KLRG1: variants seen among roughly 807,000 people sequenced by gnomAD.
KLRG1 encodes the protein killer cell lectin like receptor G1.
A neutral mutation model predicts 21.8 loss-of-function variants in KLRG1; 16 were observed. That is an observed-to-expected ratio of 0.73 (90% confidence interval 0.50 to 1.11). KLRG1 has a LOEUF of 1.11. KLRG1 is among the 50% of genes most tolerant of loss of function. The pLI, the probability that KLRG1 is intolerant of heterozygous loss-of-function variation, is 0.00. For synonymous variants in KLRG1, 69 were observed against 75.9 expected, an observed-to-expected ratio of 0.91 and a Z score of 0.47; for missense variants, 173 against 218.3, an observed-to-expected ratio of 0.79 and a Z score of 1.31.
At chr12:9,204,072 T>C in the KLRG1 span, 2 of 1,019,846 alleles carry the variant, frequency 2.0e-6, no homozygotes, top group African/African-American at 1.6e-5. Flanking sequence ...TAAAAGTCAA[T>C]GGACTAAGTC....
the KLRG1 span, chr12:9,079,937 G>C: frequency 1.9e-6 from 2 of 1,066,844 alleles, no homozygotes; most frequent in Non-Finnish European, 2.6e-6. Context: ...GATTCTTCCA[G>C]GGATAGAAGT....
the KLRG1 span, among the ~76,000 whole-genome samples, chr12:9,141,683 A>G: frequency 1.3e-5 from 2 of 152,188 alleles, no homozygotes; most frequent in Non-Finnish European, 2.9e-5. Flanking sequence ...CCACATTCTC[A>G]TGCCTCCTTA....
upstream of KLRG1, among the ~76,000 whole-genome samples, chr12:8,988,616 G>A (rs1015258285): frequency 2.0e-5 from 3 of 151,674 alleles, no homozygotes; most frequent in African/African-American, 7.3e-5. Flanking sequence ...CACTCTTGTT[G>A]CCCAGGCTAG....
At chr12:9,149,653 G>T in the KLRG1 span, 1 of 1,576,120 alleles carries the variant, frequency 6.3e-7, no homozygotes, top group South Asian at 1.1e-5. Flanking sequence ...ATGAACTAGG[G>T]ACCATGCTAA....
chr12:9,080,124 C>G, the KLRG1 span: 1 of 1,590,726 alleles, frequency 6.3e-7, no homozygotes, highest in Non-Finnish European at 8.6e-7. Context: ...CGGGCAGATT[C>G]TTCTACCACA....
At chr12:9,034,026 T>C in the KLRG1 span, among the ~76,000 whole-genome samples, 2 of 152,160 alleles carry the variant, frequency 1.3e-5, no homozygotes, top group African/African-American at 4.8e-5. Flanking sequence ...TGTATCTCTG[T>C]GTAGGATCTC....
chr12:9,112,086 C>T, the KLRG1 span: 2 of 1,434,930 alleles, frequency 1.4e-6, no homozygotes, highest in Non-Finnish European at 9.8e-7. Flanking sequence ...CCCTGGTCTT[C>T]CCTCAGCACA....
the KLRG1 span, among the ~76,000 whole-genome samples, chr12:9,120,885 AT>A: frequency 5.1e-4 from 26 of 50,532 alleles, no homozygotes; most frequent in East Asian, 7.6e-4. Flanking sequence ...GTGTGTGTGT[AT>A]TTTTTTTTTT....
At chr12:9,079,765 G>A in the KLRG1 span, 5 of 1,613,032 alleles carry the variant, frequency 3.1e-6, no homozygotes, top group Admixed American at 1.7e-5. Flanking sequence ...CAGCCATAGG[G>A]CATCTGGAGA....
intron 1 of KLRG1, among the ~76,000 whole-genome samples, chr12:8,956,104 A>G (rs1160350764): frequency 2.0e-5 from 3 of 152,264 alleles, no homozygotes; most frequent in South Asian, 4.1e-4. Flanking sequence ...TTACTCTGCA[A>G]TTGTCAGTGT....
chr12:9,035,787 T>C, the KLRG1 span, among the ~76,000 whole-genome samples: 3 of 151,294 alleles, frequency 2.0e-5, no homozygotes, highest in Middle Eastern at 3.4e-3. Flanking sequence ...GAAAATGTGG[T>C]ACATCTACAC....
chr12:9,067,798 A>G, the KLRG1 span: 2 of 1,611,966 alleles, frequency 1.2e-6, no homozygotes, highest in East Asian at 2.2e-5. Context: ...GGACTCCAGC[A>G]AAGCACTTTT....
the KLRG1 span, among the ~76,000 whole-genome samples, chr12:9,139,272 G>A: frequency 1.2e-4 from 18 of 151,250 alleles, no homozygotes; most frequent in African/African-American, 3.9e-4. Flanking sequence ...GTTTAATTTT[G>A]TTGTGGCCAG....
intron 1 of KLRG1, among the ~76,000 whole-genome samples, chr12:8,975,869 T>C (rs997773270): frequency 1.2e-4 from 19 of 152,286 alleles, no homozygotes; most frequent in African/African-American, 4.6e-4. Flanking sequence ...GCTTTTTTTT[T>C]CTTAGACTAG....
chr12:9,169,043 A>G, the KLRG1 span: 1 of 1,143,992 alleles, frequency 8.7e-7, no homozygotes. Flanking sequence ...TTATCCTTAG[A>G]GACTTCTCTA....
the KLRG1 span, among the ~76,000 whole-genome samples, chr12:9,207,563 C>T: frequency 2.0e-5 from 3 of 152,162 alleles, no homozygotes; most frequent in Non-Finnish European, 4.4e-5. Flanking sequence ...CTGTTGGGTC[C>T]TGAACACACA....
At chr12:9,051,772 A>G in the KLRG1 span, among the ~76,000 whole-genome samples, 1 of 152,174 alleles carries the variant, frequency 6.6e-6, no homozygotes, top group South Asian at 2.1e-4. Flanking sequence ...TGCCATCAAC[A>G]CTGTCCTGAC....
the KLRG1 span, chr12:9,104,493 G>T: frequency 1.5e-6 from 2 of 1,316,076 alleles, no homozygotes; most frequent in Non-Finnish European, 2.1e-6. Flanking sequence ...CCTCCTCTAT[G>T]TTGAACATGG....
At chr12:9,186,444 A>G in the KLRG1 span, among the ~76,000 whole-genome samples, 1 of 152,214 alleles carries the variant, frequency 6.6e-6, no homozygotes, top group East Asian at 1.9e-4. Context: ...GCCCCAATTA[A>G]GAGGCACAGA....
Sources: gnomAD v4.1 joint callset for allele counts (sites outside exome capture counted in the v4.1 genomes callset) on GRCh38, gnomAD v4.1.1 for gene constraint, MANE v1.5 for transcripts, NCBI Gene and HGNC (gene_info 2026-07-23, HGNC 2026-07-21) for gene names.